The following NUMB variants were observed in gnomAD, a reference collection of about 807,000 sequenced individuals.
NUMB encodes the protein NUMB endocytic adaptor protein, also known as protein numb homolog.
In NUMB, 29 loss-of-function variants were observed where a neutral mutation model predicts 59.7. That is an observed-to-expected ratio of 0.49 (90% CI 0.36 to 0.66). The LOEUF is 0.66. Among genes scored for constraint, NUMB ranks in the 30% least tolerant of loss-of-function variants. The pLI is 0.00. For synonymous variants in NUMB, 288 were observed against 288.2 expected (o/e 1.00, Z 0.01); for missense variants, 723 against 822.0 (o/e 0.88, Z 1.47).
At chr14:73,419,314 T>C (rs1897258400) in intron 1 of NUMB, among the ~76,000 whole-genome samples, 1 of 151,884 alleles carries the variant, frequency 6.6e-6, no homozygotes, top group Non-Finnish European at 1.5e-5. Context: ...ATTGAGACAA[T>C]CCTGGCTAAC....
rs372893260 is a variant in NUMB, at chr14:73,374,112, C to T, written c.-100-7131G>A. 3.2e-3 allele frequency among the ~76,000 whole-genome samples: 482 copies of T among 152,176 alleles called. 1 individual carries two copies. The highest frequency in any genetic ancestry group is 9.0e-3 in the African/African-American group (372 of 41,516). On this transcript the variant is annotated intron_variant, in intron 2 of 12. Coordinates refer to ENST00000555238, the MANE Select transcript of NUMB (RefSeq NM_001005743.2). Reference sequence around the variant, plus strand: ...CTCGAACCCCTGACCTTAGGTGATCCGCCCACCTTGGCCTCCCAAAGTGCT... The same window carrying T: ...CTCGAACCCCTGACCTTAGGTGATCTGCCCACCTTGGCCTCCCAAAGTGCT...
At chr14:73,334,851 A>C (rs761263450) in intron 4 of NUMB, among the ~76,000 whole-genome samples, 3 of 151,686 alleles carry the variant, frequency 2.0e-5, no homozygotes, top group Non-Finnish European at 4.4e-5. Context: ...CGGGAAGCTA[A>C]GGCAGGAGAA....
At chr14:73,408,835 C>T (rs913657737) in intron 2 of NUMB, among the ~76,000 whole-genome samples, 2 of 149,652 alleles carry the variant, frequency 1.3e-5, no homozygotes, top group African/African-American at 4.9e-5. Context: ...CAAGATCGTG[C>T]CATTGCATTC....
intron 2 of NUMB, among the ~76,000 whole-genome samples, chr14:73,382,909 GC>G (rs1895320675): frequency 6.6e-6 from 1 of 152,224 alleles, no homozygotes; most frequent in African/African-American, 2.4e-5. Flanking sequence ...ACTTTGGGAG[GC>G]TGAGGTGGGC....
At chr14:73,378,127 A>T (rs1895059611) in intron 2 of NUMB, among the ~76,000 whole-genome samples, 1 of 152,222 alleles carries the variant, frequency 6.6e-6, no homozygotes, top group Non-Finnish European at 1.5e-5. Context: ...TAAAGAAGAA[A>T]TACAGATGGT....
At chr14:73,354,549 G>A (rs1186379834) in intron 4 of NUMB, among the ~76,000 whole-genome samples, 3 of 149,886 alleles carry the variant, frequency 2.0e-5, no homozygotes, top group Non-Finnish European at 4.4e-5. Context: ...GAAATAGGCT[G>A]GGTGCAGTGG....
intron 1 of NUMB, among the ~76,000 whole-genome samples, chr14:73,451,151 C>CT (rs1883911539): frequency 1.8e-5 from 1 of 56,332 alleles, no homozygotes; most frequent in African/African-American, 7.5e-5. Flanking sequence ...AGGACTCTGT[C>CT]TCAAAAAAAA....
At chr14:73,419,471 T>G (rs1463513985) in intron 1 of NUMB, among the ~76,000 whole-genome samples, 2 of 152,178 alleles carry the variant, frequency 1.3e-5, no homozygotes, top group Non-Finnish European at 2.9e-5. Context: ...ATTGCGCCAC[T>G]GCACTCCAGC....
intron 6 of NUMB, among the ~76,000 whole-genome samples, chr14:73,305,954 CAGAAA>C (rs138208866): frequency 0.014 from 2,055 of 152,204 alleles, 49 homozygotes; most frequent in African/African-American, 0.047. Flanking sequence ...CTTTTTAAAT[CAGAAA>C]AGAAAAGCCT....
chr14:73,347,405 G>GCCA (rs758768985), intron 4 of NUMB, among the ~76,000 whole-genome samples: 6 of 151,984 alleles, frequency 3.9e-5, no homozygotes, highest in Admixed American at 3.3e-4. Context: ...AACAAACACA[G>GCCA]CCACCACCAC....
chr14:73,408,274 T>C (rs1896766520), intron 2 of NUMB, among the ~76,000 whole-genome samples: 1 of 151,880 alleles, frequency 6.6e-6, no homozygotes, highest in Non-Finnish European at 1.5e-5. Flanking sequence ...ACCAGAAATT[T>C]AGCAGGTAAG....
At chr14:73,390,636 G>GTTTTTTT (rs1895795045) in intron 2 of NUMB, among the ~76,000 whole-genome samples, 11 of 60,062 alleles carry the variant, frequency 1.8e-4, no homozygotes, top group East Asian at 4.2e-4. Context: ...CAAAAACAAA[G>GTTTTTTT]TCTTTTTTTT....
At chr14:73,456,015 G>A (rs919527328) in intron 1 of NUMB, among the ~76,000 whole-genome samples, 1 of 152,042 alleles carries the variant, frequency 6.6e-6, no homozygotes. Flanking sequence ...AAGTTCCAGA[G>A]TCAGAGGCAT....
chr14:73,379,434 C>T (rs1035813612), intron 2 of NUMB, among the ~76,000 whole-genome samples: 6 of 152,098 alleles, frequency 3.9e-5, no homozygotes, highest in African/African-American at 1.2e-4. Context: ...TCTACCCTCA[C>T]GGTAGTTGCA....
chr14:73,429,410 C>A (rs1005861626), intron 1 of NUMB, among the ~76,000 whole-genome samples: 3 of 152,000 alleles, frequency 2.0e-5, no homozygotes, highest in Non-Finnish European at 2.9e-5. Context: ...ATAGTTTTGC[C>A]TGTTCCAAAA....
chr14:73,392,770 T>C (rs1895915144), intron 2 of NUMB, among the ~76,000 whole-genome samples: 2 of 152,046 alleles, frequency 1.3e-5, no homozygotes. Context: ...AGGTAGCAGT[T>C]CAAAAGAAAG....
chr14:73,282,639 G>A, intron 10 of NUMB, 134 bp from the exon 11 acceptor site: 1 of 941,380 alleles, frequency 1.1e-6, no homozygotes, highest in East Asian at 2.8e-5. Flanking sequence ...TGTATGGCAG[G>A]GCTACAAAAC....
At chr14:73,320,911 C>T (rs1268384685) in intron 5 of NUMB, among the ~76,000 whole-genome samples, 2 of 150,086 alleles carry the variant, frequency 1.3e-5, no homozygotes, top group African/African-American at 4.9e-5. Context: ...TCTACTGAAA[C>T]ATTAGTTTTA....
At chr14:73,327,573 A>AGG (rs1322003059) in intron 4 of NUMB, among the ~76,000 whole-genome samples, 2 of 152,046 alleles carry the variant, frequency 1.3e-5, no homozygotes, top group African/African-American at 4.8e-5. Context: ...TATTAATATG[A>AGG]GGCGGACTAG....
Sources: gnomAD v4.1 joint callset for allele counts (sites outside exome capture counted in the v4.1 genomes callset) on GRCh38, gnomAD v4.1.1 for gene constraint, MANE v1.5 for transcripts, NCBI Gene and HGNC (gene_info 2026-07-23, HGNC 2026-07-21) for gene names.